C7: variants seen among roughly 807,000 people sequenced by gnomAD.
The protein encoded by C7 is complement component C7.
A neutral mutation model predicts 104.8 loss-of-function variants in C7; 83 were observed. The ratio of observed to expected loss-of-function variants is 0.79; its 90% CI spans 0.66 to 0.95. C7 has a LOEUF of 0.95. C7 is among the 40% of genes least tolerant of loss of function. The pLI is 0.00. For synonymous variants in C7, 415 were observed against 360.6 expected (o/e 1.15, Z -1.71); for missense variants, 1,070 against 1,011.2 (o/e 1.06, Z -0.79).
At position 40,936,454 on chromosome 5, in the gene C7, C is replaced by A. The variant is rs748667841; in HGVS notation, c.397C>A (p.Pro133Thr). The A allele has an allele frequency of 7.4e-6, 12 of 1,613,032 alleles. No individual in the cohort carries two copies. The highest frequency in any genetic ancestry group is 1.7e-4 in the Middle Eastern group (1 of 6,058). ...ERRPSCDIDK[P>T]PPNIELTGNG... ...GAGACCTTCCTGTGATATCGATAAA[C>A]CTCCTCCTAACATAGAACTTACTGG... is the stretch of plus-strand genomic sequence containing the variant. The change falls in exon 5 of 18, where the codon CCT becomes ACT. Residue 133 changes from proline (P) to threonine (T), a missense_variant. Pro to Thr is a conservative substitution (Grantham distance 38, BLOSUM62 -1). Transcript: ENST00000313164.
intron 1 of C7, among the ~76,000 whole-genome samples, chr5:40,927,133 G>T (rs981078951): frequency 3.8e-4 from 58 of 152,042 alleles, no homozygotes; most frequent in African/African-American, 1.4e-3. Context: ...AGGTTGCCAA[G>T]AATACACAAT....
At chr5:40,932,771 G>C (rs1256853215) in intron 3 of C7, among the ~76,000 whole-genome samples, 3 of 151,940 alleles carry the variant, frequency 2.0e-5, no homozygotes, top group Non-Finnish European at 4.4e-5. Flanking sequence ...CAGAGAGATA[G>C]AGGGTGTTTT....
chr5:40,967,082 C>G (rs60828103), intron 14 of C7, among the ~76,000 whole-genome samples: 3 of 109,372 alleles, frequency 2.7e-5, no homozygotes, highest in Non-Finnish European at 6.3e-5. Flanking sequence ...TTTTTTTTTT[C>G]TTTGAGATGG....
Position 40,945,364 on chromosome 5 carries a change from G to A in C7, c.734G>A (p.Gly245Glu). The A allele has an allele frequency of 2.5e-6, 4 of 1,581,092 alleles. No individual in the cohort carries two copies. The highest frequency in any genetic ancestry group is 3.4e-6 in the Non-Finnish European group (4 of 1,168,792). Residue 245 changes from glycine (G) to glutamate (E), a missense_variant, in exon 7 of 18, where the codon GGA becomes GAA. Gly to Glu is a moderately conservative substitution (Grantham distance 98). Transcript: ENST00000313164. ...TCACATACCAATGAAATCCATAAAG[G>A]AAAGGTTAGTATAAAATGTCAGTTA... The part of the protein sequence containing the change: ...YTSHTNEIHK[G>E]KSYQLLVVEN...
chr5:40,927,803 A>G (rs1227390392), intron 1 of C7, among the ~76,000 whole-genome samples: 3 of 152,160 alleles, frequency 2.0e-5, no homozygotes, highest in Non-Finnish European at 2.9e-5. Context: ...AAGCATTGGT[A>G]TGGATGTGGA....
chr5:40,936,750 C>T (rs1217690901), intron 5 of C7, among the ~76,000 whole-genome samples: 1 of 151,820 alleles, frequency 6.6e-6, no homozygotes, highest in Non-Finnish European at 1.5e-5. Flanking sequence ...CCCCTCAGGC[C>T]CAGGGAAACC....
At chr5:40,937,745 A>G (rs1739847761) in intron 6 of C7, 55 bp downstream of exon 6, 2 of 1,400,048 alleles carry the variant, frequency 1.4e-6, no homozygotes. Context: ...CATTATTTAT[A>G]TGATATTGAC....
At chr5:40,929,344 G>T (rs1202791972) in intron 2 of C7, among the ~76,000 whole-genome samples, 2 of 152,136 alleles carry the variant, frequency 1.3e-5, no homozygotes. Context: ...CTCCATGTTT[G>T]GGGAAGCCCT....
At chr5:40,917,129 C>T (rs1417869600) in intron 1 of C7, among the ~76,000 whole-genome samples, 4 of 139,734 alleles carry the variant, frequency 2.9e-5, no homozygotes, top group Non-Finnish European at 4.7e-5. Context: ...AGCGAGACTC[C>T]ATCTCAAAAA....
chr5:40,909,805 T>C (rs1426487687), intron 1 of C7, among the ~76,000 whole-genome samples, 189 bp downstream of exon 1: 2 of 152,178 alleles, frequency 1.3e-5, no homozygotes, highest in Non-Finnish European at 2.9e-5. Flanking sequence ...TTAAACATAT[T>C]TAACAGTTCA....
chr5:40,936,128 G>A (rs755492862), intron 4 of C7, among the ~76,000 whole-genome samples: 3 of 152,124 alleles, frequency 2.0e-5, no homozygotes, highest in Non-Finnish European at 4.4e-5. Flanking sequence ...TCAATTTTGT[G>A]TCTGATTGAG....
chr5:40,948,993 T>C, intron 8 of C7, among the ~76,000 whole-genome samples: 1 of 152,118 alleles, frequency 6.6e-6, no homozygotes, highest in Non-Finnish European at 1.5e-5. Context: ...AGGTTAGAAA[T>C]GAGTGCACAA....
At position 40,947,835 on chromosome 5, in the gene C7, A is replaced by C; in HGVS notation, c.972A>C (p.Leu324Phe). Reference sequence around the variant, plus strand: ...TATTTTATGTGGACTCAGAAAAATTAAAACAAAATGGTACAGTATTAAAAA... The same window carrying C: ...TATTTTATGTGGACTCAGAAAAATTCAAACAAAATGGTACAGTATTAAAAA... The part of the protein sequence containing the change: ...RVLFYVDSEK[L>F]KQNDFNSVEE... The change falls in exon 8 of 18, where the codon TTA becomes TTC. Residue 324 changes from leucine (L) to phenylalanine (F), a missense_variant. Leu to Phe is a conservative substitution (Grantham distance 22, BLOSUM62 0). Coordinates refer to ENST00000313164, the MANE Select transcript of C7 (RefSeq NM_000587.4). 1 of 1,611,544 alleles carries C rather than the reference A, an allele frequency of 6.2e-7. No homozygotes were observed. The highest frequency in any genetic ancestry group is 8.5e-7 in the Non-Finnish European group (1 of 1,179,212).
intron 17 of C7, 52 bp from the exon 18 acceptor site, chr5:40,981,340 A>T (rs548160176): frequency 6.5e-7 from 1 of 1,540,338 alleles, no homozygotes; most frequent in Non-Finnish European, 8.8e-7. Context: ...ATGTTCTTTG[A>T]CTCCCCGACC....
At position 40,947,811 on chromosome 5, in the gene C7, A is replaced by C. The variant is rs907504291; in HGVS notation, c.948A>C (p.Leu316=). 6.2e-7 allele frequency: 1 copy of C among 1,612,782 alleles called. No individual in the cohort carries two copies. The highest frequency in any genetic ancestry group is 8.5e-7 in the Non-Finnish European group (1 of 1,179,476). ...SGSLGGEYRV[L]FYVDSEKLKQ... is the part of the protein sequence containing the mutation. ...CGTTAGGAGGAGAATACAGAGTTCTATTTTATGTGGACTCAGAAAAATTAA... is the reference window on the plus strand; with the variant it reads ...CGTTAGGAGGAGAATACAGAGTTCTCTTTTATGTGGACTCAGAAAAATTAA... The change falls in exon 8 of 18, where the codon CTA becomes CTC. Residue 316 remains leucine (L), a synonymous_variant. Coordinates refer to ENST00000313164, the MANE Select transcript of C7 (RefSeq NM_000587.4).
chr5:40,930,236 C>T (rs1343691354), intron 2 of C7, among the ~76,000 whole-genome samples: 4 of 142,620 alleles, frequency 2.8e-5, no homozygotes, highest in Non-Finnish European at 4.6e-5. Context: ...GATGGAGTCG[C>T]CCTCTGTCAC....
At chr5:40,962,019 C>A (rs371636344) in intron 12 of C7, 66 bp from the exon 13 acceptor site, 6 of 778,364 alleles carry the variant, frequency 7.7e-6, no homozygotes, top group Non-Finnish European at 1.1e-5. Flanking sequence ...AGAAATCCAA[C>A]GTAATGCAAA....
chr5:40,936,379 G>C lies in C7; in HGVS notation c.322G>C (p.Asp108His). 3.7e-6 allele frequency: 6 copies of C among 1,613,422 alleles called. No individual in the cohort carries two copies. The highest frequency in any genetic ancestry group is 5.1e-6 in the Non-Finnish European group (6 of 1,179,522). The change falls in exon 5 of 18, where the codon GAC (aspartate) becomes CAC (histidine). Residue 108 changes from aspartate to histidine, a missense_variant. Physicochemically the swap from Asp to His is moderately conservative, Grantham distance 81. Coordinates refer to ENST00000313164, the MANE Select transcript of C7 (RefSeq NM_000587.4). ...SKSLVCNGDS[D>H]CDEDSADEDR... ...ATCATTGGTTTGCAATGGGGATTCT[G>C]ACTGTGATGAAGACAGTGCTGATGA...
In C7 at chr5:40,958,138, C is replaced by A. The variant is rs1451096482; in HGVS notation, c.1366C>A (p.His456Asn). ...GTATCTGGATGAATTTGACCCCTGT[C>A]ATTGCCGGCCTTGTCAAAATGGTGG... ...EEYLDEFDPC[H>N]CRPCQNGGLA... Residue 456 changes from histidine to asparagine, a missense_variant, in exon 11 of 18, where the codon CAT becomes AAT. By Grantham distance (68) the His-to-Asn change is moderately conservative (BLOSUM62 1). Coordinates refer to ENST00000313164, the MANE Select transcript of C7 (RefSeq NM_000587.4). 4 of 1,613,828 alleles carry A rather than the reference C, an allele frequency of 2.5e-6. No homozygotes were observed. The South Asian group carries it at 4.4e-5, about 18-fold the overall frequency.
Sources: allele counts gnomAD v4.1 joint callset (sites outside exome capture counted in the v4.1 genomes callset), GRCh38; gene constraint gnomAD v4.1.1; transcripts MANE v1.5; gene names NCBI Gene and HGNC (gene_info 2026-07-23, HGNC 2026-07-21).